GPBP1: variants seen among roughly 807,000 people sequenced by gnomAD.
The protein encoded by GPBP1 is vasculin.
A neutral mutation model predicts 56.5 loss-of-function variants in GPBP1; 13 were observed. That is an observed-to-expected ratio of 0.23 (90% CI 0.15 to 0.37). The LOEUF (loss-of-function observed/expected upper bound fraction) is 0.37. Ranked by LOEUF, GPBP1 falls within the 10% of genes least tolerant of loss-of-function variation. GPBP1 has a pLI of 1.00. For synonymous variants in GPBP1, 204 were observed against 188.9 expected, an observed-to-expected ratio of 1.08 and a Z score of -0.66; for missense variants, 477 against 572.3, an observed-to-expected ratio of 0.83 and a Z score of 1.70.
chr5:57,184,428 A>T (rs971278217), intron 2 of GPBP1, among the ~76,000 whole-genome samples: 1 of 152,056 alleles, frequency 6.6e-6, no homozygotes, highest in Non-Finnish European at 1.5e-5. Flanking sequence ...CAGGGAGCTT[A>T]CAATAATGGC....
chr5:57,224,684 G>A (rs1278883714), intron 3 of GPBP1, among the ~76,000 whole-genome samples: 1 of 152,062 alleles, frequency 6.6e-6, no homozygotes, highest in Non-Finnish European at 1.5e-5. Context: ...CAAAGCACTG[G>A]GATTATAGGC....
intron 6 of GPBP1, among the ~76,000 whole-genome samples, chr5:57,241,017 C>T (rs1740803406): frequency 6.6e-6 from 1 of 151,356 alleles, no homozygotes; most frequent in Non-Finnish European, 1.5e-5. Context: ...AATATTTGGT[C>T]ATGTCACAGG....
Position 57,249,637 on chromosome 5 carries a change from T to C in GPBP1, c.972+61T>C, listed in dbSNP as rs529452450. The C allele has an allele frequency of 4.2e-5, 58 of 1,381,592 alleles. No individual in the cohort carries two copies. In the South Asian group the frequency reaches 7.1e-4, roughly 17 times the overall value. 85.6% of individuals were successfully genotyped at this position (1,381,592 alleles called of 1,614,324 possible). A position where few individuals can be genotyped will look rare whatever the true frequency, so the allele number is the denominator to read the frequency against. On this transcript the variant is annotated intron_variant, in intron 9 of 11. Transcript: ENST00000506184. ...GATATGTCATTGAAATATTTGAGCA[T>C]GTATTAGGACCTTGGAATACATTTG...
intron 2 of GPBP1, among the ~76,000 whole-genome samples, chr5:57,177,648 C>CTTTTTTTTTTT (rs58708281): frequency 6.5e-5 from 6 of 92,242 alleles, no homozygotes; most frequent in Non-Finnish European, 7.9e-5. Flanking sequence ...CAATTTTTGC[C>CTTTTTTTTTTT]TTTTTTTTTT....
rs181073205 is a variant in GPBP1 at position 57,239,481 on chromosome 5, A to G, written c.478+3449A>G. Among the ~76,000 whole-genome samples the G allele has an allele frequency of 6.6e-5, 10 of 152,344 alleles. No homozygotes were observed. In the East Asian group the frequency reaches 1.9e-3, roughly 29 times the overall value. On this transcript the variant is annotated intron_variant, in intron 6 of 11. Coordinates refer to ENST00000506184, the MANE Select transcript of GPBP1 (RefSeq NM_022913.4). ...AAACCAAAATAGATTTGTTAATAAA[A>G]TAAAGACGTTAAAAACCAGCTGGGC...
intron 3 of GPBP1, among the ~76,000 whole-genome samples, chr5:57,215,071 A>G (rs1163520568): frequency 2.6e-5 from 4 of 151,828 alleles, no homozygotes; most frequent in Non-Finnish European, 5.9e-5. Flanking sequence ...TTTAATTCTT[A>G]CCAGTCATAT....
intron 10 of GPBP1, among the ~76,000 whole-genome samples, chr5:57,259,744 T>C (rs2111975313): frequency 6.6e-6 from 1 of 151,922 alleles, no homozygotes; most frequent in African/African-American, 2.4e-5. Context: ...AGCAGGAGTA[T>C]TGTGGTTAAG....
Position 57,210,078 on chromosome 5 carries a change from C to T in GPBP1, c.-57-3996C>T, listed in dbSNP as rs188668502. Among the ~76,000 whole-genome samples the T allele has an allele frequency of 6.1e-4, 93 of 152,166 alleles. 1 individual carries two copies. In the East Asian group the frequency reaches 0.017, roughly 27 times the overall value. On this transcript the variant is annotated intron_variant, in intron 2 of 11. Coordinates refer to ENST00000506184, the MANE Select transcript of GPBP1 (RefSeq NM_022913.4). Reference sequence around the variant, plus strand: ...ATTTGAGTAAGTTTTTCTTTGAAAACGTGGCACAAATTTGGTAGGGTCAGA... The same window carrying T: ...ATTTGAGTAAGTTTTTCTTTGAAAATGTGGCACAAATTTGGTAGGGTCAGA...
chr5:57,212,877 T>G (rs1264817887), intron 2 of GPBP1, among the ~76,000 whole-genome samples: 1 of 151,868 alleles, frequency 6.6e-6, no homozygotes, highest in Non-Finnish European at 1.5e-5. Flanking sequence ...TTCACTATGC[T>G]GGCCAGGCTG....
At chr5:57,240,851 G>C (rs915725313) in intron 6 of GPBP1, among the ~76,000 whole-genome samples, 2 of 151,856 alleles carry the variant, frequency 1.3e-5, no homozygotes, top group African/African-American at 4.8e-5. Context: ...GCACATGCCT[G>C]TAATTCCAGC....
At chr5:57,231,517 C>T (rs537684956) in intron 5 of GPBP1, among the ~76,000 whole-genome samples, 196 bp downstream of exon 5, 49 of 152,282 alleles carry the variant, frequency 3.2e-4, no homozygotes, top group South Asian at 1.7e-3. Context: ...AGGTGATCCA[C>T]CTACCTCAGC....
chr5:57,210,969 G>A (rs989487145), intron 2 of GPBP1, among the ~76,000 whole-genome samples: 33 of 152,124 alleles, frequency 2.2e-4, no homozygotes, highest in African/African-American at 7.5e-4. Context: ...TGAGGTATTG[G>A]GGGCTATGAC....
intron 3 of GPBP1, among the ~76,000 whole-genome samples, chr5:57,221,967 A>G (rs1004954390): frequency 1.3e-5 from 2 of 149,648 alleles, no homozygotes; most frequent in Admixed American, 6.6e-5. Context: ...TTTATTGTTT[A>G]TTTAGGTATT....
At chr5:57,248,545 A>G (rs1741210838) in intron 8 of GPBP1, among the ~76,000 whole-genome samples, 1 of 148,186 alleles carries the variant, frequency 6.7e-6, no homozygotes, top group African/African-American at 2.5e-5. Flanking sequence ...CTCCTGCCTC[A>G]GCCTCCCAAG....
intron 10 of GPBP1, among the ~76,000 whole-genome samples, chr5:57,254,346 G>A (rs928956631): frequency 6.6e-6 from 1 of 151,936 alleles, no homozygotes; most frequent in South Asian, 2.1e-4. Context: ...TCCAAATCAT[G>A]TCCTGTTTTG....
chr5:57,184,196 C>A (rs1365015662), intron 2 of GPBP1, among the ~76,000 whole-genome samples: 2 of 152,050 alleles, frequency 1.3e-5, no homozygotes, highest in African/African-American at 4.8e-5. Context: ...CGTGCCACTG[C>A]AGTCCAACCT....
chr5:57,259,851 T>C (rs1741813774), intron 10 of GPBP1, among the ~76,000 whole-genome samples: 1 of 152,232 alleles, frequency 6.6e-6, no homozygotes, highest in Non-Finnish European at 1.5e-5. Context: ...AACACTCTCA[T>C]AATAAGCAGA....
At chr5:57,179,269 G>C (rs1433484599) in intron 2 of GPBP1, among the ~76,000 whole-genome samples, 1 of 152,170 alleles carries the variant, frequency 6.6e-6, no homozygotes, top group Non-Finnish European at 1.5e-5. Context: ...TGCTAATGGA[G>C]TTTGGAAATA....
chr5:57,256,945 T>C (rs868675186), intron 10 of GPBP1, among the ~76,000 whole-genome samples: 1 of 152,316 alleles, frequency 6.6e-6, no homozygotes, highest in African/African-American at 2.4e-5. Context: ...TTGCTTCATA[T>C]TTTCTGTAAA....
Sources: gnomAD v4.1 joint callset for allele counts (sites outside exome capture counted in the v4.1 genomes callset) on GRCh38, gnomAD v4.1.1 for gene constraint, MANE v1.5 for transcripts, NCBI Gene and HGNC (gene_info 2026-07-23, HGNC 2026-07-21) for gene names.